The following DSCAM variants were observed in gnomAD, a reference collection of about 807,000 sequenced individuals.
DSCAM encodes the protein DS cell adhesion molecule.
Under a neutral mutation model 217.7 loss-of-function variants are expected in DSCAM, and 47 were observed. That is an observed-to-expected ratio of 0.22 (90% CI 0.17 to 0.28). The LOEUF (loss-of-function observed/expected upper bound fraction) is 0.28, where lower values mean the gene tolerates loss of function less well. DSCAM is among the 10% of genes least tolerant of loss of function. DSCAM has a pLI of 1.00. For missense variants in DSCAM, 2,080 were observed against 2,618.3 expected (o/e 0.79, Z 4.49); for synonymous variants, 1,056 against 1,015.3 (o/e 1.04, Z -0.76).
At chr21:40,133,391 T>C (rs2090173885) in intron 19 of DSCAM, among the ~76,000 whole-genome samples, 1 of 152,158 alleles carries the variant, frequency 6.6e-6, no homozygotes, top group African/African-American at 2.4e-5. Flanking sequence ...AGTTCTCAAA[T>C]TAAGGACTTA....
At chr21:40,310,246 A>C (rs1455254803) in intron 9 of DSCAM, among the ~76,000 whole-genome samples, 3 of 152,180 alleles carry the variant, frequency 2.0e-5, no homozygotes, top group Non-Finnish European at 4.4e-5. Flanking sequence ...AGATGGATTT[A>C]CCCCTAAAGA....
intron 2 of DSCAM, among the ~76,000 whole-genome samples, chr21:40,693,773 G>A (rs1237882280): frequency 6.6e-6 from 1 of 152,162 alleles, no homozygotes; most frequent in Non-Finnish European, 1.5e-5. Context: ...TGATTAGACA[G>A]CCTGCCCAAA....
At chr21:40,453,400 C>T (rs905644957) in intron 3 of DSCAM, among the ~76,000 whole-genome samples, 1 of 152,182 alleles carries the variant, frequency 6.6e-6, no homozygotes, top group African/African-American at 2.4e-5. Context: ...AGCTGCAATC[C>T]TGACAGATTC....
At chr21:40,687,370 C>T (rs1378510075) in intron 3 of DSCAM, among the ~76,000 whole-genome samples, 4 of 152,078 alleles carry the variant, frequency 2.6e-5, no homozygotes, top group African/African-American at 9.7e-5. Flanking sequence ...TGAGGGCAGA[C>T]TCAGGTCTCC....
intron 18 of DSCAM, among the ~76,000 whole-genome samples, chr21:40,136,915 C>T (rs1445290599): frequency 6.6e-6 from 1 of 152,124 alleles, no homozygotes; most frequent in Non-Finnish European, 1.5e-5. Flanking sequence ...TGGCTCATGC[C>T]TGTAATCCCA....
intron 32 of DSCAM, among the ~76,000 whole-genome samples, chr21:40,026,709 G>A (rs1197839727): frequency 1.4e-5 from 2 of 147,448 alleles, no homozygotes; most frequent in Non-Finnish European, 3.0e-5. Flanking sequence ...GCCTTTTTTT[G>A]TTTTCCATTT....
At chr21:40,442,304 C>A (rs149070264) in intron 3 of DSCAM, among the ~76,000 whole-genome samples, 185 of 151,916 alleles carry the variant, frequency 1.2e-3, no homozygotes, top group African/African-American at 4.3e-3. Context: ...ATGTTGAGGT[C>A]AAAATGGTCA....
chr21:40,527,402 GCTT>G (rs1243925993), intron 3 of DSCAM, among the ~76,000 whole-genome samples: 1 of 152,168 alleles, frequency 6.6e-6, no homozygotes, highest in Non-Finnish European at 1.5e-5. Flanking sequence ...CTGAGTCTAA[GCTT>G]CTGCACACTC....
At chr21:40,213,346 G>C (rs1329691625) in intron 11 of DSCAM, among the ~76,000 whole-genome samples, 2 of 152,154 alleles carry the variant, frequency 1.3e-5, no homozygotes. Flanking sequence ...TCCTGCTGCT[G>C]CCTCACAGCC....
intron 1 of DSCAM, among the ~76,000 whole-genome samples, chr21:40,731,604 T>C (rs1364670820): frequency 6.6e-6 from 1 of 152,148 alleles, no homozygotes; most frequent in Non-Finnish European, 1.5e-5. Context: ...GTCTTCTCAA[T>C]GTATGTTCAC....
chr21:40,111,985 C>T (rs1326208100), intron 20 of DSCAM, among the ~76,000 whole-genome samples: 1 of 152,040 alleles, frequency 6.6e-6, no homozygotes, highest in Middle Eastern at 3.2e-3. Context: ...TAACACCCTA[C>T]TGTCAACATT....
At chr21:40,188,910 G>A (rs933626372) in intron 12 of DSCAM, 132 bp downstream of exon 12, 6 of 877,236 alleles carry the variant, frequency 6.8e-6, no homozygotes, top group African/African-American at 6.7e-5. Context: ...GTGTGAAAGG[G>A]GAGAGAAATA....
intron 3 of DSCAM, among the ~76,000 whole-genome samples, chr21:40,508,760 TATATATATATATATATA>T (rs2076232510): frequency 2.0e-4 from 1 of 5,086 alleles, no homozygotes; most frequent in Non-Finnish European, 3.5e-4. Flanking sequence ...TATATATATA[TATATATATATATATATA>T]TATATATTTT....
intron 29 of DSCAM, among the ~76,000 whole-genome samples, chr21:40,053,807 C>T (rs1342030229): frequency 6.9e-6 from 1 of 145,520 alleles, no homozygotes; most frequent in Non-Finnish European, 1.5e-5. Flanking sequence ...TGGTGTTAAG[C>T]CCCCCAGTGA....
rs558644742 is a variant in DSCAM, at chr21:40,230,098, C to G, written c.2357-40860G>C. ...ATTCCTAATGATAAATAATAGCGAG[C>G]ATCTTTTTCTATACTTGTCATCATA... is the stretch of plus-strand genomic sequence containing the variant. On this transcript the variant is annotated intron_variant, in intron 11 of 32. Transcript: ENST00000400454. Among the ~76,000 whole-genome samples, 27 of 152,300 alleles carry G rather than the reference C, an allele frequency of 1.8e-4. No individual in the cohort carries two copies. The South Asian group carries it at 5.4e-3, about 30-fold the overall frequency.
chr21:40,608,465 G>A (rs930261086), intron 3 of DSCAM, among the ~76,000 whole-genome samples: 2 of 152,112 alleles, frequency 1.3e-5, no homozygotes, highest in African/African-American at 4.8e-5. Flanking sequence ...GTGTTCTAAG[G>A]AAAAATAAGA....
intron 27 of DSCAM, among the ~76,000 whole-genome samples, chr21:40,070,455 G>C (rs2089279065): frequency 6.6e-6 from 1 of 151,890 alleles, no homozygotes. Flanking sequence ...AAGAAAGAAA[G>C]AAAACACAAA....
intron 3 of DSCAM, among the ~76,000 whole-genome samples, chr21:40,505,097 G>A (rs547316685): frequency 2.1e-4 from 32 of 152,172 alleles, no homozygotes; most frequent in Non-Finnish European, 3.5e-4. Flanking sequence ...CCTCCTGGTT[G>A]CCCATTTTTC....
intron 3 of DSCAM, among the ~76,000 whole-genome samples, chr21:40,539,685 C>T (rs1223555769): frequency 6.6e-6 from 1 of 151,814 alleles, no homozygotes; most frequent in African/African-American, 2.4e-5. Flanking sequence ...GTTGTTGGTC[C>T]TGTGTATCTC....
Sources: allele counts gnomAD v4.1 joint callset (sites outside exome capture counted in the v4.1 genomes callset), GRCh38; gene constraint gnomAD v4.1.1; transcripts MANE v1.5; gene names NCBI Gene and HGNC (gene_info 2026-07-23, HGNC 2026-07-21).